The following WDR77 variants were observed in gnomAD, a reference collection of about 807,000 sequenced individuals.
WDR77 encodes WD repeat domain 77.
In WDR77, 31 loss-of-function variants were observed where a neutral mutation model predicts 44.0. The observed-to-expected ratio is 0.70, with a 90% CI of 0.53 to 0.95. WDR77 has a LOEUF of 0.95. WDR77 is among the 40% of genes least tolerant of loss of function. The pLI is 0.00. For missense variants in WDR77, 390 were observed against 423.9 expected (o/e 0.92, Z 0.70); for synonymous variants, 186 against 165.7 (o/e 1.12, Z -0.94).
In WDR77 at chr1:111,440,054, T is replaced by G. The variant is rs1188970695; in HGVS notation, c.*1176A>C. 6.6e-6 allele frequency: 1 copy of G among 152,644 alleles called. No homozygotes were observed. Among genetic ancestry groups the G allele is most frequent in the African/African-American group, 2.4e-5 (1 of 41,442 alleles). 9.5% of individuals were successfully genotyped at this position (152,644 alleles called of 1,614,324 possible). A position where few individuals can be genotyped will look rare whatever the true frequency, so the allele number is the denominator to read the frequency against. On this transcript the variant is annotated 3_prime_UTR_variant, in exon 10 of 10. Transcript: ENST00000235090. ...CTCAAAAGTACATAATTGATTATAT[T>G]TACTTTCAATATAATCAGTAATTGA...
chr1:111,444,252 T>C, intron 4 of WDR77, 128 bp from the exon 5 acceptor site: 1 of 849,792 alleles, frequency 1.2e-6, no homozygotes, highest in Non-Finnish European at 1.9e-6. Flanking sequence ...TAACAAATTT[T>C]GTGGGAGATT....
At position 111,443,065 on chromosome 1, in the gene WDR77, C is replaced by G. The variant is rs1422441170; in HGVS notation, c.691+258G>C. ...ATCCACTTGCTTTGTGGATCACTGA[C>G]TTATAGCCATGCCCAGAATACAGAA... On this transcript the variant is annotated intron_variant, in intron 7 of 9. Coordinates refer to ENST00000235090, the MANE Select transcript of WDR77 (RefSeq NM_024102.4). Among the ~76,000 whole-genome samples, 2 of 152,204 alleles carry G rather than the reference C, an allele frequency of 1.3e-5. 1 individual carries two copies. The highest frequency in any genetic ancestry group is 2.9e-5 in the Non-Finnish European group (2 of 68,040).
Position 111,443,743 on chromosome 1 carries a change from T to G in WDR77, c.619+124A>C, listed in dbSNP as rs1557793122. 10 of 1,526,394 alleles carry G rather than the reference T, an allele frequency of 6.6e-6. No individual in the cohort carries two copies. In the Admixed American group the frequency reaches 2.1e-4, roughly 32 times the overall value. 94.6% of individuals were successfully genotyped at this position (1,526,394 alleles called of 1,614,324 possible). ...GAGCCTCACTGGAAAAGAAGGAGAT[T>G]ATGTCACTCATGTCACAGTAACTAC... On this transcript the variant is annotated intron_variant, in intron 6 of 9. Coordinates refer to ENST00000235090, the MANE Select transcript of WDR77 (RefSeq NM_024102.4).
Position 111,441,160 on chromosome 1 carries a change from TCA to T in WDR77, c.*68_*69del, listed in dbSNP as rs1184524652. On this transcript the variant is annotated 3_prime_UTR_variant, in exon 10 of 10. Transcript: ENST00000235090. Reference sequence around the variant, plus strand: ...TACTATAGAAGGCTCCTGTGTTGTCTCACAAGCTGAGAGGGCAGGGCAAAGAA... The same window carrying T: ...TACTATAGAAGGCTCCTGTGTTGTCTCAAGCTGAGAGGGCAGGGCAAAGAA... 1 of 1,365,748 alleles carries T rather than the reference TCA, an allele frequency of 7.3e-7. No individual in the cohort carries two copies. Among genetic ancestry groups the T allele is most frequent in the Non-Finnish European group, 9.6e-7 (1 of 1,045,816 alleles). The allele number at this position is 1,365,748 out of a possible 1,614,324, so 84.6% of individuals were successfully genotyped here. A position where few individuals can be genotyped will look rare whatever the true frequency, so the allele number is the denominator to read the frequency against.
At position 111,447,534 on chromosome 1, in the gene WDR77, A is replaced by G. The variant is rs1653095426; in HGVS notation, c.344T>C (p.Ile115Thr). 2.5e-6 allele frequency: 4 copies of G among 1,614,102 alleles called. No homozygotes were observed. Among genetic ancestry groups the G allele is most frequent in the Non-Finnish European group, 3.4e-6 (4 of 1,180,036 alleles). The change falls in exon 3 of 10, where the codon ATT becomes ACT. Residue 115 changes from isoleucine (I) to threonine (T), a missense_variant. Transcript: ENST00000235090. The stretch of plus-strand genomic sequence containing the variant: ...CTCATACTTGCAGAACTTGCTGACA[A>G]TAAGTGTCTCATTCTCATCTAGTTC... Reference protein sequence around the residue: ...LWELDENETLIVSKFCKYEHD... With the variant: ...LWELDENETLTVSKFCKYEHD...
chr1:111,447,330 C>T, intron 3 of WDR77, 105 bp downstream of exon 3: 3 of 1,543,606 alleles, frequency 1.9e-6, no homozygotes, highest in South Asian at 2.4e-5. Flanking sequence ...AAATAAGTCA[C>T]TGGATTCTTA....
chr1:111,446,973 G>A (rs1332087407), intron 4 of WDR77, 122 bp downstream of exon 4: 6 of 991,662 alleles, frequency 6.1e-6, no homozygotes, highest in East Asian at 2.4e-5. Context: ...ACCGGAGCCT[G>A]ACTATTGTTT....
chr1:111,448,591 G>T, intron 2 of WDR77, 28 bp downstream of exon 2: 1 of 1,612,808 alleles, frequency 6.2e-7, no homozygotes. Flanking sequence ...ACCCGGGGGT[G>T]GGGGTGGATA....
At chr1:111,444,333 AC>A (rs748150553) in intron 4 of WDR77, among the ~76,000 whole-genome samples, 4 of 152,172 alleles carry the variant, frequency 2.6e-5, no homozygotes, top group African/African-American at 4.8e-5. Context: ...TAAAAAAAAA[AC>A]GTATTAGTGA....
chr1:111,440,771 C>T lies in WDR77; in HGVS notation c.*459G>A, dbSNP rs1210241101. The T allele has an allele frequency of 6.6e-6, 1 of 152,324 alleles. No individual in the cohort carries two copies. Among genetic ancestry groups the T allele is most frequent in the Non-Finnish European group, 1.5e-5 (1 of 68,182 alleles). The allele number at this position is 152,324 out of a possible 1,614,324, so 9.4% of individuals were successfully genotyped here. On this transcript the variant is annotated 3_prime_UTR_variant, in exon 10 of 10. Transcript: ENST00000235090. ...ATTTCTCATAATGGTGAATTAAGCACTATAAAAAAATAAAGTCAATCCCAT... is the reference window on the plus strand; with the variant it reads ...ATTTCTCATAATGGTGAATTAAGCATTATAAAAAAATAAAGTCAATCCCAT...
At chr1:111,446,046 C>T (rs1274386345) in intron 4 of WDR77, among the ~76,000 whole-genome samples, 1 of 152,242 alleles carries the variant, frequency 6.6e-6, no homozygotes, top group Non-Finnish European at 1.5e-5. Context: ...GCTGGGATTA[C>T]AGGCGTTAAG....
rs909732044 is a variant in WDR77, at chr1:111,441,089, G to C, written c.*141C>G. 6 of 937,486 alleles carry C rather than the reference G, an allele frequency of 6.4e-6. No homozygotes were observed. The Admixed American group carries it at 2.3e-4, about 36-fold the overall frequency. The allele number at this position is 937,486 out of a possible 1,614,324, so 58.1% of individuals were successfully genotyped here. On this transcript the variant is annotated 3_prime_UTR_variant, in exon 10 of 10. Transcript: ENST00000235090. The stretch of plus-strand genomic sequence containing the variant: ...GAACCCAGAATCCAGCCTCCCTCAG[G>C]CTGAGAGACGATGCCTATTAACGGC...
In WDR77 at chr1:111,444,029, T is replaced by TA. The variant is rs754531216; in HGVS notation, c.564+24dup. On this transcript the variant is annotated intron_variant, in intron 5 of 9. Coordinates refer to ENST00000235090, the MANE Select transcript of WDR77 (RefSeq NM_024102.4). ...GGCCTATGGATGGCTGGAGTGTGTT[T>TA]AGGGAAGAAGGAGCTATCTCTTACC... 11 of 1,613,820 alleles carry TA rather than the reference T, an allele frequency of 6.8e-6. No homozygotes were observed. The South Asian group carries it at 1.2e-4, about 18-fold the overall frequency.
intron 8 of WDR77, 142 bp downstream of exon 8, chr1:111,442,511 G>A: frequency 1.8e-6 from 1 of 544,952 alleles, no homozygotes; most frequent in Non-Finnish European, 3.1e-6. Flanking sequence ...ACACTTAAGA[G>A]ATCTTCGATG....
At chr1:111,447,994 G>A (rs1653119294) in intron 2 of WDR77, among the ~76,000 whole-genome samples, 2 of 152,220 alleles carry the variant, frequency 1.3e-5, no homozygotes, top group African/African-American at 4.8e-5. Context: ...TTGAATAAAT[G>A]TCTTGCAGAG....
At chr1:111,444,304 T>A (rs1652933383) in intron 4 of WDR77, among the ~76,000 whole-genome samples, 180 bp from the exon 5 acceptor site, 1 of 151,092 alleles carries the variant, frequency 6.6e-6, no homozygotes, top group South Asian at 2.1e-4. Context: ...TATAGACTTA[T>A]AAAACCTAAA....
intron 2 of WDR77, among the ~76,000 whole-genome samples, chr1:111,448,198 A>AAAT (rs11427738): frequency 2.0e-5 from 3 of 150,866 alleles, no homozygotes; most frequent in African/African-American, 7.3e-5. Context: ...AAAAAAAAAA[A>AAAT]GCCAAAGCCT....
At chr1:111,443,605 G>T in intron 6 of WDR77, 1 of 971,538 alleles carries the variant, frequency 1.0e-6, no homozygotes, top group Non-Finnish European at 1.2e-6. Context: ...TTTCAGGCAC[G>T]AATCATGACG....
At chr1:111,442,620 A>G in intron 8 of WDR77, 33 bp downstream of exon 8, 1 of 1,430,546 alleles carries the variant, frequency 7.0e-7, no homozygotes, top group Non-Finnish European at 9.5e-7. Context: ...TCCCATTTAT[A>G]CCCATCAGGC....
Sources: allele counts gnomAD v4.1 joint callset (sites outside exome capture counted in the v4.1 genomes callset), GRCh38; gene constraint gnomAD v4.1.1; transcripts MANE v1.5; gene names NCBI Gene and HGNC (gene_info 2026-07-23, HGNC 2026-07-21).